The following ASTN1 variants were observed in gnomAD, a reference collection of about 807,000 sequenced individuals.
ASTN1 encodes astrotactin-1.
A neutral mutation model predicts 140.7 loss-of-function variants in ASTN1; 41 were observed. The observed-to-expected ratio is 0.29, with a 90% CI of 0.23 to 0.38. The LOEUF is 0.38. Ranked by LOEUF, ASTN1 falls within the 10% of genes least tolerant of loss-of-function variation. The pLI, the probability that ASTN1 is intolerant of heterozygous loss-of-function variation, is 1.00. For missense variants in ASTN1, 1,479 were observed against 1,678.8 expected, an observed-to-expected ratio of 0.88 and a Z score of 2.08; for synonymous variants, 640 against 652.2, an observed-to-expected ratio of 0.98 and a Z score of 0.29.
intron 16 of ASTN1, among the ~76,000 whole-genome samples, chr1:176,909,543 A>C (rs1016612): frequency 0.46 from 69,334 of 152,014 alleles, 18,290 homozygotes; most frequent in African/African-American, 0.72. Flanking sequence ...AAAAATGCAA[A>C]ACTAGCAGAA....
rs763140072 is a variant in ASTN1 at position 177,033,906 on chromosome 1, C to T, written c.472-1057G>A. On this transcript the variant is annotated intron_variant, in intron 2 of 22. Transcript: ENST00000361833. Reference sequence around the variant, plus strand: ...TTTAAGCTTGGTGCTGCATGGCACTCGGTGGGCATAAATCTTCCCGTGCAC... The same window carrying T: ...TTTAAGCTTGGTGCTGCATGGCACTTGGTGGGCATAAATCTTCCCGTGCAC... 2.0e-5 allele frequency among the ~76,000 whole-genome samples: 3 copies of T among 152,208 alleles called. No individual in the cohort carries two copies. In the South Asian group the frequency reaches 6.2e-4, roughly 32 times the overall value.
chr1:177,097,089 C>A (rs1306993603), intron 1 of ASTN1, among the ~76,000 whole-genome samples: 1 of 151,906 alleles, frequency 6.6e-6, no homozygotes, highest in African/African-American at 2.4e-5. Context: ...GTTATAGCAG[C>A]CTAAATAAAC....
At chr1:176,980,129 G>A (rs1258580264) in intron 8 of ASTN1, among the ~76,000 whole-genome samples, 1 of 152,148 alleles carries the variant, frequency 6.6e-6, no homozygotes, top group Admixed American at 6.5e-5. Flanking sequence ...TGACTGGGGG[G>A]CAAAGATTGG....
At chr1:177,111,820 T>C (rs1336475487) in intron 1 of ASTN1, among the ~76,000 whole-genome samples, 1 of 152,164 alleles carries the variant, frequency 6.6e-6, no homozygotes, top group Non-Finnish European at 1.5e-5. Flanking sequence ...TATGGTGGGC[T>C]TTTGGTATGT....
At chr1:176,886,149 C>T (rs1669023174) in intron 18 of ASTN1, among the ~76,000 whole-genome samples, 1 of 152,142 alleles carries the variant, frequency 6.6e-6, no homozygotes, top group Non-Finnish European at 1.5e-5. Context: ...ATATGATTTA[C>T]ACAGACTTGT....
At chr1:177,102,857 C>T (rs987113054) in intron 1 of ASTN1, among the ~76,000 whole-genome samples, 1 of 152,118 alleles carries the variant, frequency 6.6e-6, no homozygotes, top group Non-Finnish European at 1.5e-5. Flanking sequence ...GAGGAAAATG[C>T]CAGTGGTGCC....
intron 21 of ASTN1, among the ~76,000 whole-genome samples, chr1:176,869,710 G>A (rs1668262457): frequency 6.6e-6 from 1 of 152,174 alleles, no homozygotes; most frequent in Admixed American, 6.5e-5. Context: ...ATTGGTCTGA[G>A]TGTGTTCCCA....
chr1:176,965,082 C>G, intron 9 of ASTN1, 81 bp downstream of exon 9: 1 of 1,349,304 alleles, frequency 7.4e-7, no homozygotes, highest in South Asian at 1.2e-5. Context: ...TTATACTTTA[C>G]CAACTAGGAA....
downstream of ASTN1, among the ~76,000 whole-genome samples, chr1:176,858,164 G>C (rs550156358): frequency 2.6e-5 from 4 of 152,152 alleles, no homozygotes; most frequent in African/African-American, 9.6e-5. Context: ...CTGTCTCTAG[G>C]GGAATCAATC....
chr1:176,945,455 G>A (rs1348878203), intron 13 of ASTN1, among the ~76,000 whole-genome samples: 2 of 152,110 alleles, frequency 1.3e-5, no homozygotes, highest in Non-Finnish European at 2.9e-5. Flanking sequence ...TCTCATATCT[G>A]AATTCAATTT....
intron 1 of ASTN1, among the ~76,000 whole-genome samples, chr1:177,095,613 G>T (rs1262644764): frequency 6.6e-6 from 1 of 152,162 alleles, no homozygotes; most frequent in Non-Finnish European, 1.5e-5. Flanking sequence ...TCCCCTATAT[G>T]AAGTGCATGA....
chr1:176,951,258 G>A (rs1237279509), intron 11 of ASTN1, among the ~76,000 whole-genome samples: 3 of 152,210 alleles, frequency 2.0e-5, no homozygotes, highest in Admixed American at 6.5e-5. Flanking sequence ...TGCCCCCCAT[G>A]TTTTGCTAGC....
chr1:176,935,597 T>A (rs1445723604), intron 15 of ASTN1, among the ~76,000 whole-genome samples: 2 of 152,194 alleles, frequency 1.3e-5, no homozygotes, highest in Non-Finnish European at 2.9e-5. Flanking sequence ...CTCACTTAAC[T>A]TCATAACTTT....
rs1671335102 is a variant in ASTN1, at chr1:176,934,245, C to T, written c.2578G>A (p.Ala860Thr). 4.3e-6 allele frequency: 7 copies of T among 1,614,114 alleles called. No individual in the cohort carries two copies. The highest frequency in any genetic ancestry group is 8.5e-7 in the Non-Finnish European group (1 of 1,179,986). ...DQFGNHYIQE[A>T]IYGFEESCSI... is the part of the protein sequence containing the mutation. Reference sequence around the variant, plus strand: ...CAGGACTCCTCAAAGCCGTAGATAGCTTCCTGGATGTAATGGTTGCCGAAC... The same window carrying T: ...CAGGACTCCTCAAAGCCGTAGATAGTTTCCTGGATGTAATGGTTGCCGAAC... The change falls in exon 16 of 23, where the codon GCT (alanine) becomes ACT (threonine). Residue 860 changes from alanine (A) to threonine (T), a missense_variant. Transcript: ENST00000361833.
chr1:176,871,849 T>C (rs1668357881), intron 21 of ASTN1, among the ~76,000 whole-genome samples: 1 of 152,250 alleles, frequency 6.6e-6, no homozygotes, highest in Non-Finnish European at 1.5e-5. Flanking sequence ...CCTTGAGTTA[T>C]TCAAGACAGA....
chr1:177,033,426 A>C (rs1014780189), intron 2 of ASTN1, among the ~76,000 whole-genome samples: 1 of 152,194 alleles, frequency 6.6e-6, no homozygotes, highest in Non-Finnish European at 1.5e-5. Context: ...GAATTAGGTT[A>C]GCTAACTATG....
At chr1:176,995,946 G>T (rs1674418727) in intron 8 of ASTN1, among the ~76,000 whole-genome samples, 1 of 152,066 alleles carries the variant, frequency 6.6e-6, no homozygotes, top group Non-Finnish European at 1.5e-5. Flanking sequence ...CTCCATGCTG[G>T]ACCCTGGCAA....
At chr1:177,073,610 T>G (rs1678749543) in intron 1 of ASTN1, among the ~76,000 whole-genome samples, 1 of 148,350 alleles carries the variant, frequency 6.7e-6, no homozygotes, top group African/African-American at 2.5e-5. Flanking sequence ...TCTACCTTCA[T>G]AGAACCACAC....
intron 8 of ASTN1, among the ~76,000 whole-genome samples, chr1:176,997,960 A>T (rs991624227): frequency 1.3e-5 from 2 of 152,162 alleles, no homozygotes; most frequent in African/African-American, 4.8e-5. Flanking sequence ...GGAGGGGGTA[A>T]AGTAAAAGGC....
Sources: gnomAD v4.1 joint callset for allele counts (sites outside exome capture counted in the v4.1 genomes callset) on GRCh38, gnomAD v4.1.1 for gene constraint, MANE v1.5 for transcripts, NCBI Gene and HGNC (gene_info 2026-07-23, HGNC 2026-07-21) for gene names.